Variants in ZBTB8A observed in about 807,000 individuals in gnomAD.
The protein encoded by ZBTB8A is zinc finger and BTB domain-containing protein 8A.
ZBTB8A carries 19 observed loss-of-function variants against 37.8 expected under a neutral mutation model. That is an observed-to-expected ratio of 0.50 (90% CI 0.35 to 0.74). The LOEUF (loss-of-function observed/expected upper bound fraction) is 0.74, where lower values mean the gene tolerates loss of function less well. Ranked by LOEUF, ZBTB8A falls within the 30% of genes least tolerant of loss-of-function variation. The probability of loss-of-function intolerance (pLI) is 0.01; values close to 1 mark genes in which losing one functional copy is unlikely to be tolerated. For synonymous variants in ZBTB8A, 181 were observed against 185.2 expected (o/e 0.98, Z 0.19); for missense variants, 394 against 537.8 (o/e 0.73, Z 2.65).
chr1:32,589,447 C>T (rs1412874259), intron 2 of ZBTB8A, among the ~76,000 whole-genome samples: 2 of 151,996 alleles, frequency 1.3e-5, no homozygotes, highest in Non-Finnish European at 2.9e-5. Context: ...GATAGGGGTT[C>T]ACCATGTTGC....
chr1:32,591,817 G>C (rs538503917), intron 2 of ZBTB8A, among the ~76,000 whole-genome samples: 2 of 151,906 alleles, frequency 1.3e-5, no homozygotes, highest in East Asian at 3.9e-4. Flanking sequence ...ATCTAATAAC[G>C]GTCTAGTTGT....
At position 32,592,581 on chromosome 1, in the gene ZBTB8A, A is replaced by C. The variant is rs1444834544; in HGVS notation, c.-1-350A>C. On this transcript the variant is annotated intron_variant, in intron 2 of 4. Transcript: ENST00000373510. ...GAGTGCAGTGGTGTGATCTTGGCTCACTGCAACCTCCACCTCCCAGGTTCA... is the reference window on the plus strand; with the variant it reads ...GAGTGCAGTGGTGTGATCTTGGCTCCCTGCAACCTCCACCTCCCAGGTTCA... Among the ~76,000 whole-genome samples the C allele has an allele frequency of 4.0e-5, 6 of 151,000 alleles. No homozygotes were observed. The East Asian group carries it at 8.0e-4, about 20-fold the overall frequency.
chr1:32,556,926 A>T (rs1319993771), intron 2 of ZBTB8A, among the ~76,000 whole-genome samples: 2 of 152,140 alleles, frequency 1.3e-5, no homozygotes, highest in Admixed American at 6.6e-5. Context: ...TATATATAAT[A>T]CAAGGGAACT....
In ZBTB8A at chr1:32,593,018, A is replaced by G; in HGVS notation, c.87A>G (p.Leu29=). Residue 29 remains leucine (L), a synonymous_variant, in exon 3 of 5, where the codon CTA becomes CTG. Coordinates refer to ENST00000373510, the MANE Select transcript of ZBTB8A (RefSeq NM_001040441.3). ...ATGTATTTTGTGACTGCAGTATTCT[A>G]GTTGAAGGGAAGGTCTTCAAAGCAC... ...RQDVFCDCSI[L]VEGKVFKAHR... is the part of the protein sequence containing the mutation. 6.2e-7 allele frequency: 1 copy of G among 1,614,226 alleles called. No homozygotes were observed. Among genetic ancestry groups the G allele is most frequent in the Non-Finnish European group, 8.5e-7 (1 of 1,180,048 alleles).
At chr1:32,592,397 AG>A (rs1644496560) in intron 2 of ZBTB8A, among the ~76,000 whole-genome samples, 1 of 151,526 alleles carries the variant, frequency 6.6e-6, no homozygotes, top group African/African-American at 2.4e-5. Flanking sequence ...AAAAAAAAAC[AG>A]GCATGGTGGT....
intron 2 of ZBTB8A, among the ~76,000 whole-genome samples, chr1:32,554,198 CAAAAAAAAA>C (rs1017025736): frequency 4.0e-5 from 2 of 50,192 alleles, no homozygotes; most frequent in Non-Finnish European, 4.3e-5. Flanking sequence ...AGACTGTCTC[CAAAAAAAAA>C]AAAAAAAAAA....
chr1:32,546,402 C>T (rs1250218808), intron 1 of ZBTB8A, among the ~76,000 whole-genome samples: 1 of 151,904 alleles, frequency 6.6e-6, no homozygotes. Flanking sequence ...CAAGATCATG[C>T]CACTGCACTC....
chr1:32,576,312 A>T (rs1470809674), intron 2 of ZBTB8A, among the ~76,000 whole-genome samples: 1 of 152,196 alleles, frequency 6.6e-6, no homozygotes, highest in Non-Finnish European at 1.5e-5. Context: ...AGAACCTTAC[A>T]GTATATTTCT....
At chr1:32,590,366 G>A (rs1340729590) in intron 2 of ZBTB8A, among the ~76,000 whole-genome samples, 1 of 152,006 alleles carries the variant, frequency 6.6e-6, no homozygotes, top group South Asian at 2.1e-4. Flanking sequence ...CCAGGGCCCT[G>A]CAAAGACAAA....
At chr1:32,543,402 G>A (rs1306047179) in intron 1 of ZBTB8A, among the ~76,000 whole-genome samples, 2 of 151,936 alleles carry the variant, frequency 1.3e-5, no homozygotes, top group Non-Finnish European at 2.9e-5. Context: ...TAACTCTTAC[G>A]CCATAAAATT....
At chr1:32,555,457 A>G (rs1328659807) in intron 2 of ZBTB8A, among the ~76,000 whole-genome samples, 2 of 152,180 alleles carry the variant, frequency 1.3e-5, no homozygotes, top group African/African-American at 2.4e-5. Flanking sequence ...CAATGCAGGT[A>G]GCTGCTTTAT....
At chr1:32,569,345 T>C (rs926138849) in intron 2 of ZBTB8A, among the ~76,000 whole-genome samples, 2 of 151,660 alleles carry the variant, frequency 1.3e-5, no homozygotes, top group African/African-American at 4.8e-5. Flanking sequence ...ATATATATAC[T>C]GCAAATATTT....
In ZBTB8A at chr1:32,584,488, C is replaced by CTTTT. The variant is rs1405744563; in HGVS notation, c.-1-8439_-1-8436dup. ...AACTCCTATACTAAACGTCATCATTCTTTTTTTCTTTCTTTCTTTCTTTTT... is the reference window on the plus strand; with the variant it reads ...AACTCCTATACTAAACGTCATCATTCTTTTTTTTTTTCTTTCTTTCTTTCTTTTT... On this transcript the variant is annotated intron_variant, in intron 2 of 4. Coordinates refer to ENST00000373510, the MANE Select transcript of ZBTB8A (RefSeq NM_001040441.3). Among the ~76,000 whole-genome samples the CTTTT allele has an allele frequency of 6.4e-4, 91 of 142,924 alleles. No homozygotes were observed. In the East Asian group the frequency reaches 9.2e-3, roughly 14 times the overall value. The allele number at this position is 142,924 out of a possible 152,430, so 93.8% of individuals were successfully genotyped here. A position where few individuals can be genotyped will look rare whatever the true frequency, so the allele number is the denominator to read the frequency against.
intron 2 of ZBTB8A, among the ~76,000 whole-genome samples, chr1:32,561,806 A>G (rs1479343625): frequency 6.6e-6 from 1 of 151,878 alleles, no homozygotes. Context: ...CAAAGACCCT[A>G]TTTGCAAATT....
At chr1:32,592,867 TCAAAA>T in intron 2 of ZBTB8A, 59 bp from the exon 3 acceptor site, 1 of 1,374,700 alleles carries the variant, frequency 7.3e-7, no homozygotes, top group Non-Finnish European at 9.9e-7. Flanking sequence ...AGATCCTGTC[TCAAAA>T]CAAAATAAAA....
chr1:32,554,960 T>C (rs1406280930), intron 2 of ZBTB8A, among the ~76,000 whole-genome samples: 1 of 152,176 alleles, frequency 6.6e-6, no homozygotes, highest in Non-Finnish European at 1.5e-5. Flanking sequence ...CCTAGAAACA[T>C]GAGTTACTTG....
chr1:32,549,055 G>A (rs1364983774), intron 1 of ZBTB8A, among the ~76,000 whole-genome samples: 1 of 151,980 alleles, frequency 6.6e-6, no homozygotes, highest in African/African-American at 2.4e-5. Flanking sequence ...GCCGGGTATG[G>A]TGGCCCGCAC....
chr1:32,590,360 G>T (rs909081542), intron 2 of ZBTB8A, among the ~76,000 whole-genome samples: 2 of 151,950 alleles, frequency 1.3e-5, no homozygotes, highest in African/African-American at 2.4e-5. Context: ...CCCTACCCAG[G>T]GCCCTGCAAA....
At chr1:32,545,765 C>A (rs776308704) in intron 1 of ZBTB8A, among the ~76,000 whole-genome samples, 1 of 152,198 alleles carries the variant, frequency 6.6e-6, no homozygotes, top group African/African-American at 2.4e-5. Context: ...CTGGCTAGAA[C>A]GCCTTTTGCC....
Sources: allele counts gnomAD v4.1 joint callset (sites outside exome capture counted in the v4.1 genomes callset), GRCh38; gene constraint gnomAD v4.1.1; transcripts MANE v1.5; gene names NCBI Gene and HGNC (gene_info 2026-07-23, HGNC 2026-07-21).